The following PDE1C variants were observed in gnomAD, a reference collection of about 807,000 sequenced individuals.
PDE1C encodes phosphodiesterase 1C, also known as dual specificity calcium/calmodulin-dependent 3',5'-cyclic nucleotide phosphodiesterase 1C.
In PDE1C, 62 loss-of-function variants were observed where a neutral mutation model predicts 93.1. The observed-to-expected ratio is 0.67, with a 90% confidence interval of 0.54 to 0.82. The LOEUF (loss-of-function observed/expected upper bound fraction) is 0.82. Among genes scored for constraint, PDE1C ranks in the 40% least tolerant of loss-of-function variants. The probability of loss-of-function intolerance (pLI) is 0.00; values close to 1 mark genes in which losing one functional copy is unlikely to be tolerated. For missense variants in PDE1C, 742 were observed against 884.6 expected (o/e 0.84, Z 2.04); for synonymous variants, 325 against 310.1 (o/e 1.05, Z -0.50).
In PDE1C at chr7:31,850,712, A is replaced by T; in HGVS notation, c.780T>A (p.Ala260=). 1 of 1,613,236 alleles carries T rather than the reference A, an allele frequency of 6.2e-7. No homozygotes were observed. The highest frequency in any genetic ancestry group is 8.5e-7 in the Non-Finnish European group (1 of 1,179,302). ...ANWLTELEIF[A]IIFSAAIHDY... is the part of the protein sequence containing the mutation. ...CATGGATGGCAGCTGAGAAGATTAT[A>T]GCAAAGATCTCCAGCTCCGTCAGCC... Residue 260 remains alanine (A), a synonymous_variant, in exon 8 of 18, where the codon GCT becomes GCA. Coordinates refer to ENST00000396191, the MANE Select transcript of PDE1C (RefSeq NM_001191057.4).
intron 1 of PDE1C, among the ~76,000 whole-genome samples, chr7:32,420,502 C>T (rs982134377): frequency 3.4e-5 from 5 of 147,388 alleles, no homozygotes; most frequent in African/African-American, 5.0e-5. Flanking sequence ...TGCAGTCAAC[C>T]GAGATGGTGC....
chr7:32,417,590 G>C (rs1324223530), intron 1 of PDE1C, among the ~76,000 whole-genome samples: 1 of 150,736 alleles, frequency 6.6e-6, no homozygotes, highest in African/African-American at 2.4e-5. Flanking sequence ...TCACTGCAGA[G>C]CCTGCCCGTG....
the PDE1C span, among the ~76,000 whole-genome samples, chr7:31,714,962 G>T: frequency 6.6e-6 from 1 of 152,100 alleles, no homozygotes; most frequent in Admixed American, 6.5e-5. Flanking sequence ...TGGGGCAGGG[G>T]GTGCTGTCCT....
intron 1 of PDE1C, among the ~76,000 whole-genome samples, chr7:32,267,958 G>A (rs1243525486): frequency 6.6e-6 from 1 of 152,166 alleles, no homozygotes; most frequent in African/African-American, 2.4e-5. Context: ...TAATGAGGAC[G>A]ACTGTGCTGA....
At chr7:32,053,099 A>G (rs1039819554) in intron 1 of PDE1C, among the ~76,000 whole-genome samples, 22 of 152,176 alleles carry the variant, frequency 1.4e-4, no homozygotes, top group African/African-American at 5.3e-4. Context: ...GAAGCAAACT[A>G]TCTATGTTCC....
chr7:31,782,185 C>T (rs1008157686), intron 16 of PDE1C, among the ~76,000 whole-genome samples: 8 of 152,108 alleles, frequency 5.3e-5, no homozygotes, highest in Non-Finnish European at 1.0e-4. Flanking sequence ...TATTATGCTG[C>T]TATTGAAATT....
intron 2 of PDE1C, among the ~76,000 whole-genome samples, chr7:32,190,327 A>G (rs1804149888): frequency 6.6e-6 from 1 of 152,222 alleles, no homozygotes; most frequent in Non-Finnish European, 1.5e-5. Context: ...TCTGGGCTTC[A>G]GTCCATGGCT....
chr7:31,916,170 G>T (rs911329821), intron 2 of PDE1C, among the ~76,000 whole-genome samples: 2 of 151,998 alleles, frequency 1.3e-5, no homozygotes, highest in African/African-American at 4.8e-5. Context: ...ATTTGGGGGG[G>T]TATCATGTAC....
At chr7:31,717,092 A>G in the PDE1C span, among the ~76,000 whole-genome samples, 1 of 152,246 alleles carries the variant, frequency 6.6e-6, no homozygotes, top group East Asian at 1.9e-4. Context: ...CTTGCTCTGT[A>G]TTGTAAGTTA....
Position 31,753,350 on chromosome 7 carries a change from A to G in PDE1C, c.*34T>C. 2 of 1,592,062 alleles carry G rather than the reference A, an allele frequency of 1.3e-6. No homozygotes were observed. The highest frequency in any genetic ancestry group is 1.7e-6 in the Non-Finnish European group (2 of 1,168,484). On this transcript the variant is annotated 3_prime_UTR_variant, in exon 18 of 18. Transcript: ENST00000396191. ...TGGGTGCTGAGAAGCAGATAGGTAG[A>G]CCCTCCTTCACTCCCTCTCTTCTTC...
chr7:32,375,634 G>A (rs146138396), intron 1 of PDE1C, among the ~76,000 whole-genome samples: 121 of 152,328 alleles, frequency 7.9e-4, no homozygotes, highest in African/African-American at 2.7e-3. Flanking sequence ...CAGTGGCCAG[G>A]ATGAGAATCC....
At chr7:32,390,213 G>A (rs1017205784) in intron 1 of PDE1C, among the ~76,000 whole-genome samples, 1 of 151,856 alleles carries the variant, frequency 6.6e-6, no homozygotes, top group Admixed American at 6.6e-5. Flanking sequence ...AAAAGTAGAG[G>A]GCAGGGAATG....
chr7:31,864,906 C>A (rs1239128239), intron 7 of PDE1C, 36 bp downstream of exon 7: 1 of 1,601,924 alleles, frequency 6.2e-7, no homozygotes. Flanking sequence ...ATCCTTACAT[C>A]TTTTGGGGAA....
rs1282962455 is a variant in PDE1C, at chr7:32,310,036, A to T, written c.311-100497T>A. ...ATGTGCAGAGACACACATAGGCTCA[A>T]AATAAAAGGATGGAGGAAGATCTAC... On this transcript the variant is annotated intron_variant, in intron 1 of 1. Transcript: ENST00000672256. Among the ~76,000 whole-genome samples the T allele has an allele frequency of 2.0e-5, 3 of 152,294 alleles. No homozygotes were observed. The East Asian group carries it at 5.8e-4, about 29-fold the overall frequency.
the PDE1C span, among the ~76,000 whole-genome samples, chr7:31,646,153 A>G: frequency 6.6e-6 from 1 of 152,298 alleles, no homozygotes; most frequent in Non-Finnish European, 1.5e-5. Context: ...TTAGTTGTCT[A>G]TTTTGTTAAA....
intron 1 of PDE1C, among the ~76,000 whole-genome samples, chr7:32,257,499 G>A (rs1809891784): frequency 6.6e-6 from 1 of 152,080 alleles, no homozygotes; most frequent in Non-Finnish European, 1.5e-5. Context: ...AAAAATGGGT[G>A]GATAATGATT....
the PDE1C span, among the ~76,000 whole-genome samples, chr7:31,639,743 A>G: frequency 1.3e-5 from 2 of 151,652 alleles, no homozygotes; most frequent in Non-Finnish European, 2.9e-5. Context: ...TCACTGTGTT[A>G]GCCAGGCTCG....
intron 2 of PDE1C, among the ~76,000 whole-genome samples, chr7:31,945,588 T>C (rs1806503075): frequency 6.6e-6 from 1 of 152,190 alleles, no homozygotes; most frequent in Non-Finnish European, 1.5e-5. Context: ...AGAAGTCTGA[T>C]GTAATTCTTA....
chr7:32,225,022 T>TA lies in PDE1C; in HGVS notation c.86-15484dup, dbSNP rs58376421. Among the ~76,000 whole-genome samples the TA allele has an allele frequency of 2.3e-3, 230 of 100,814 alleles. 1 individual carries two copies. Among genetic ancestry groups the TA allele is most frequent in the South Asian group, 9.1e-3 (29 of 3,186 alleles). 66.1% of individuals were successfully genotyped at this position (100,814 alleles called of 152,430 possible). ...ACCTTCAGGAATCACCTTTCTTATTTAAAAAAAAAAAAAAGACTATTAAAA... is the reference window on the plus strand; with the variant it reads ...ACCTTCAGGAATCACCTTTCTTATTTAAAAAAAAAAAAAAAGACTATTAAAA... On this transcript the variant is annotated intron_variant, in intron 1 of 18. Transcript: ENST00000396193.
Sources: gnomAD v4.1 joint callset for allele counts (sites outside exome capture counted in the v4.1 genomes callset) on GRCh38, gnomAD v4.1.1 for gene constraint, MANE v1.5 for transcripts, NCBI Gene and HGNC (gene_info 2026-07-23, HGNC 2026-07-21) for gene names.